The following CEP57 variants were observed in gnomAD, a reference collection of about 807,000 sequenced individuals.
The protein encoded by CEP57 is centrosomal protein of 57 kDa.
In CEP57, 40 loss-of-function variants were observed where a neutral mutation model predicts 68.0. The ratio of observed to expected loss-of-function variants is 0.59; its 90% CI spans 0.46 to 0.77. The LOEUF (loss-of-function observed/expected upper bound fraction) is 0.77, where lower values mean the gene tolerates loss of function less well. Ranked by LOEUF, CEP57 falls within the 30% of genes least tolerant of loss-of-function variation. The probability of loss-of-function intolerance (pLI) is 0.00; values close to 1 mark genes in which losing one functional copy is unlikely to be tolerated. For missense variants in CEP57, 606 were observed against 580.7 expected (o/e 1.04, Z -0.45); for synonymous variants, 219 against 198.7 (o/e 1.10, Z -0.86).
intron 1 of CEP57, among the ~76,000 whole-genome samples, chr11:95,796,427 C>T (rs11021322): frequency 0.031 from 4,713 of 152,248 alleles, 147 homozygotes; most frequent in East Asian, 0.13. Context: ...CCTTTCTACG[C>T]AGCCTTCCTA....
intron 2 of CEP57, among the ~76,000 whole-genome samples, chr11:95,804,578 C>T (rs894031968): frequency 2.0e-5 from 3 of 152,138 alleles, no homozygotes; most frequent in Non-Finnish European, 4.4e-5. Flanking sequence ...ACACTGCGGC[C>T]CGTGGTCTCA....
rs116072635 is a variant in CEP57, at chr11:95,791,442, G to A, written c.45+699G>A. On this transcript the variant is annotated intron_variant, in intron 1 of 10. Transcript: ENST00000325542. Reference sequence around the variant, plus strand: ...CTCAAATTGGAGTGTCGAATGCTTAGGTTTTTGAAAACCGCGGCATTGGAA... The same window carrying A: ...CTCAAATTGGAGTGTCGAATGCTTAAGTTTTTGAAAACCGCGGCATTGGAA... 2.9e-3 allele frequency among the ~76,000 whole-genome samples: 438 copies of A among 152,304 alleles called. 4 individuals carry two copies. Among genetic ancestry groups the A allele is most frequent in the African/African-American group, 0.01 (420 of 41,554 alleles).
chr11:95,807,675 A>G (rs1481743603), intron 2 of CEP57, among the ~76,000 whole-genome samples: 1 of 152,242 alleles, frequency 6.6e-6, no homozygotes, highest in East Asian at 1.9e-4. Context: ...GAGAAAAAAG[A>G]GTAAAAAGAA....
chr11:95,817,507 C>T (rs1862348084), intron 4 of CEP57, among the ~76,000 whole-genome samples: 1 of 152,086 alleles, frequency 6.6e-6, no homozygotes, highest in Non-Finnish European at 1.5e-5. Context: ...GTGTGTGAAG[C>T]CTATATGTCC....
At chr11:95,790,378 G>C, upstream of CEP57, 1 of 468,902 alleles carries the variant, frequency 2.1e-6, no homozygotes, top group Non-Finnish European at 3.9e-6. Context: ...GTCTGCCCCA[G>C]CGGGCCCCGT....
chr11:95,816,679 T>C (rs749073555), intron 4 of CEP57, among the ~76,000 whole-genome samples: 5 of 152,234 alleles, frequency 3.3e-5, no homozygotes, highest in African/African-American at 4.8e-5. Context: ...TGGTACCTAT[T>C]GCTGTAGCCT....
Position 95,813,064 on chromosome 11 carries a change from T to C in CEP57, c.335T>C (p.Ile112Thr). The change falls in exon 3 of 11, where the codon ATA becomes ACA. Residue 112 changes from isoleucine (I) to threonine (T), a missense_variant. Transcript: ENST00000325542. ...TATAAGAAAGTACTGGATGAACAGA[T>C]ACAAGAAAGGGAGAATTCAAAGAAT... ...IEYKKVLDEQ[I>T]QERENSKNEE... 1.2e-6 allele frequency: 2 copies of C among 1,613,558 alleles called. No individual in the cohort carries two copies. The highest frequency in any genetic ancestry group is 1.3e-5 in the African/African-American group (1 of 75,014).
upstream of CEP57, chr11:95,790,193 C>G (rs1860942021): frequency 5.7e-6 from 1 of 175,272 alleles, no homozygotes; most frequent in Non-Finnish European, 1.2e-5. Context: ...ACGCTCTCTC[C>G]GGCGTTTAAT....
chr11:95,800,360 A>T (rs1316729280), intron 2 of CEP57, among the ~76,000 whole-genome samples: 1 of 151,338 alleles, frequency 6.6e-6, no homozygotes, highest in African/African-American at 2.4e-5. Context: ...TCCTACGGTA[A>T]CAGTAGGTAG....
At position 95,827,817 on chromosome 11, in the gene CEP57, A is replaced by G. The variant is rs557536640; in HGVS notation, c.917A>G (p.Asn306Ser). The G allele has an allele frequency of 4.3e-6, 7 of 1,614,168 alleles. No individual in the cohort carries two copies. Among genetic ancestry groups the G allele is most frequent in the South Asian group, 3.3e-5 (3 of 91,082 alleles). ...STSPSHAVVA[N>S]VQLVLHLMKQ... is the part of the protein sequence containing the mutation. ...AGCCCTAGCCATGCCGTGGTAGCCA[A>G]TGTTCAGCTTGTCTTGCATCTAATG... The change falls in exon 9 of 11, where the codon AAT becomes AGT. Residue 306 changes from asparagine to serine, a missense_variant. Coordinates refer to ENST00000325542, the MANE Select transcript of CEP57 (RefSeq NM_014679.5).
At position 95,790,535 on chromosome 11, in the gene CEP57, G is replaced by A; in HGVS notation, c.-164G>A. The A allele has an allele frequency of 1.4e-6, 1 of 731,734 alleles. No homozygotes were observed. Among genetic ancestry groups the A allele is most frequent in the South Asian group, 1.6e-5 (1 of 61,056 alleles). The allele number at this position is 731,734 out of a possible 1,614,324, so 45.3% of individuals were successfully genotyped here. On this transcript the variant is annotated 5_prime_UTR_variant, in exon 1 of 11. Coordinates refer to ENST00000325542, the MANE Select transcript of CEP57 (RefSeq NM_014679.5). ...GCTGTGAGCGTAGGCGGCCCTGAGG[G>A]GGTGTGTTGCAGGGGTTTCCAAGCC...
At chr11:95,817,356 ACT>A (rs758693895) in intron 4 of CEP57, among the ~76,000 whole-genome samples, 56 of 152,294 alleles carry the variant, frequency 3.7e-4, no homozygotes, top group Admixed American at 8.5e-4. Flanking sequence ...ACAGAGCGAG[ACT>A]CTATCTCAAA....
At chr11:95,805,070 G>C (rs1861736170) in intron 2 of CEP57, among the ~76,000 whole-genome samples, 1 of 152,180 alleles carries the variant, frequency 6.6e-6, no homozygotes, top group South Asian at 2.1e-4. Flanking sequence ...GAAATGTTCA[G>C]CCAGTTTCAA....
In CEP57 at chr11:95,831,297, C is replaced by A; in HGVS notation, c.*41C>A. 1 of 1,349,212 alleles carries A rather than the reference C, an allele frequency of 7.4e-7. No individual in the cohort carries two copies. Among genetic ancestry groups the A allele is most frequent in the Non-Finnish European group, 1.1e-6 (1 of 944,162 alleles). The allele number at this position is 1,349,212 out of a possible 1,614,324, so 83.6% of individuals were successfully genotyped here. ...GAAATTTTATTCAGATAATCTGTAC[C>A]TCATCAATCAGATGATGACAATTTA... On this transcript the variant is annotated 3_prime_UTR_variant, in exon 11 of 11. Coordinates refer to ENST00000325542, the MANE Select transcript of CEP57 (RefSeq NM_014679.5).
At chr11:95,805,410 T>G (rs1861756499) in intron 2 of CEP57, among the ~76,000 whole-genome samples, 1 of 152,200 alleles carries the variant, frequency 6.6e-6, no homozygotes, top group Non-Finnish European at 1.5e-5. Flanking sequence ...CTGCATTTTT[T>G]CTAGTTATAT....
At chr11:95,797,797 T>C (rs1402889024) in intron 1 of CEP57, among the ~76,000 whole-genome samples, 2 of 152,222 alleles carry the variant, frequency 1.3e-5, no homozygotes, top group Non-Finnish European at 2.9e-5. Context: ...AACTAGTTTG[T>C]TAGTTAATCA....
chr11:95,824,312 A>C (rs1862646867), intron 8 of CEP57, among the ~76,000 whole-genome samples: 1 of 152,180 alleles, frequency 6.6e-6, no homozygotes, highest in Non-Finnish European at 1.5e-5. Flanking sequence ...GCAGGTGCCA[A>C]AACCTTGTGC....
Position 95,793,960 on chromosome 11 carries a change from A to G in CEP57, c.45+3217A>G, listed in dbSNP as rs528019860. On this transcript the variant is annotated intron_variant, in intron 1 of 10. Coordinates refer to ENST00000325542, the MANE Select transcript of CEP57 (RefSeq NM_014679.5). The stretch of plus-strand genomic sequence containing the variant: ...GATCTCCAAGACCCTCTCAGAGTCT[A>G]CAAGATCCTTCTGTAATGACCACGT... Among the ~76,000 whole-genome samples, 7 of 152,332 alleles carry G rather than the reference A, an allele frequency of 4.6e-5. No individual in the cohort carries two copies. The South Asian group carries it at 1.4e-3, about 32-fold the overall frequency.
chr11:95,813,933 ACT>A (rs1464046090), intron 4 of CEP57, among the ~76,000 whole-genome samples: 1 of 152,092 alleles, frequency 6.6e-6, no homozygotes, highest in East Asian at 1.9e-4. Context: ...ACTTTGTAAA[ACT>A]CTTCAGAATT....
Sources: gnomAD v4.1 joint callset for allele counts (sites outside exome capture counted in the v4.1 genomes callset) on GRCh38, gnomAD v4.1.1 for gene constraint, MANE v1.5 for transcripts, NCBI Gene and HGNC (gene_info 2026-07-23, HGNC 2026-07-21) for gene names.